The following NFILZ variants were observed in gnomAD, a reference collection of about 807,000 sequenced individuals.
NFILZ encodes NFIL3 like protein.
chr19:8,672,483 CAAAA>C (rs1209019668), intron 3 of NFILZ, among the ~76,000 whole-genome samples: 1 of 150,868 alleles, frequency 6.6e-6, no homozygotes, highest in African/African-American at 2.4e-5. Context: ...TTAGTTCATT[CAAAA>C]AAAATCCATG....
intron 3 of NFILZ, among the ~76,000 whole-genome samples, chr19:8,658,471 A>T (rs1451073854): frequency 1.3e-5 from 2 of 152,110 alleles, no homozygotes; most frequent in African/African-American, 4.8e-5. Context: ...GGATAACAAA[A>T]AACATTGACA....
intron 3 of NFILZ, among the ~76,000 whole-genome samples, chr19:8,664,479 C>T (rs1455902892): frequency 1.4e-5 from 2 of 142,712 alleles, no homozygotes; most frequent in Non-Finnish European, 3.1e-5. Flanking sequence ...CAGGAGGTGC[C>T]GGGGGAGGGG....
intron 3 of NFILZ, among the ~76,000 whole-genome samples, chr19:8,641,829 C>CT (rs3040050): frequency 0.015 from 2,176 of 147,766 alleles, 24 homozygotes; most frequent in Non-Finnish European, 0.022. Flanking sequence ...TAAATGATAG[C>CT]TTTTTTTTTT....
chr19:8,664,421 G>C (rs2043052207), intron 3 of NFILZ, among the ~76,000 whole-genome samples: 1 of 152,104 alleles, frequency 6.6e-6, no homozygotes, highest in Admixed American at 6.6e-5. Context: ...GGGCTTGTGG[G>C]CTGGGCACGG....
At position 8,651,408 on chromosome 19, in the gene NFILZ, C is replaced by T. The variant is rs139372914; in HGVS notation, c.-164+15662C>T. On this transcript the variant is annotated intron_variant, in intron 3 of 5. Coordinates refer to ENST00000691075, the MANE Select transcript of NFILZ (RefSeq NM_001378600.1). ...AACTCCTGACCTCAAGTGATCCACT[C>T]GCTTCAGCCTCCCAAAGTGCTGGGA... Among the ~76,000 whole-genome samples the T allele has an allele frequency of 7.0e-3, 1,066 of 152,264 alleles. 18 individuals carry two copies. Among genetic ancestry groups the T allele is most frequent in the African/African-American group, 0.024 (1,015 of 41,548 alleles).
chr19:8,640,715 T>C (rs1159944520), intron 3 of NFILZ, among the ~76,000 whole-genome samples: 1 of 152,164 alleles, frequency 6.6e-6, no homozygotes, highest in Admixed American at 6.5e-5. Context: ...CAGAATATGT[T>C]GTGGACTCTT....
chr19:8,632,824 GC>G lies in NFILZ; in HGVS notation c.-261+200del, dbSNP rs1485594096. 2.6e-5 allele frequency among the ~76,000 whole-genome samples: 4 copies of G among 151,538 alleles called. No homozygotes were observed. In the East Asian group the frequency reaches 7.7e-4, roughly 29 times the overall value. On this transcript the variant is annotated intron_variant, in intron 2 of 5. Transcript: ENST00000691075. ...TGCAACCTCCGCCTCCCAGGTTCAA[GC>G]AATTCTTCTTCCTCAGCCTCCTGAG...
chr19:8,664,593 A>G (rs1555749578), intron 3 of NFILZ, among the ~76,000 whole-genome samples: 1 of 152,058 alleles, frequency 6.6e-6, no homozygotes, highest in African/African-American at 2.4e-5. Context: ...GGGGGCTTTT[A>G]TGAGGCAGGG....
intron 3 of NFILZ, among the ~76,000 whole-genome samples, chr19:8,661,454 T>A (rs1600150546): frequency 1.3e-5 from 2 of 152,110 alleles, no homozygotes; most frequent in Non-Finnish European, 2.9e-5. Context: ...GTGCCTGGAG[T>A]GCCAGTACCT....
At chr19:8,672,162 T>C (rs375242270) in intron 3 of NFILZ, among the ~76,000 whole-genome samples, 23 of 152,292 alleles carry the variant, frequency 1.5e-4, no homozygotes, top group African/African-American at 4.6e-4. Flanking sequence ...AAAAAATCCA[T>C]GCATTTATTA....
intron 3 of NFILZ, among the ~76,000 whole-genome samples, chr19:8,657,823 T>A (rs1418899174): frequency 6.6e-6 from 1 of 152,140 alleles, no homozygotes; most frequent in Non-Finnish European, 1.5e-5. Context: ...CCCCACCACC[T>A]GTGATCAGCC....
At chr19:8,667,057 ATC>A (rs1555749898) in intron 3 of NFILZ, among the ~76,000 whole-genome samples, 2 of 151,746 alleles carry the variant, frequency 1.3e-5, no homozygotes, top group African/African-American at 2.4e-5. Context: ...GCTGTTGGCC[ATC>A]TCTCTCTACC....
intron 1 of NFILZ, among the ~76,000 whole-genome samples, chr19:8,632,093 T>C (rs529225399): frequency 6.6e-6 from 1 of 152,192 alleles, no homozygotes; most frequent in African/African-American, 2.4e-5. Flanking sequence ...GGTCTCGAAC[T>C]CCTGACCTCA....
Position 8,646,176 on chromosome 19 carries a change from A to C in NFILZ, c.-164+10430A>C, listed in dbSNP as rs78407384. Among the ~76,000 whole-genome samples the C allele has an allele frequency of 8.1e-3, 1,225 of 152,114 alleles. 18 individuals carry two copies. Among genetic ancestry groups the C allele is most frequent in the African/African-American group, 0.028 (1,166 of 41,446 alleles). The stretch of plus-strand genomic sequence containing the variant: ...TTCAGCCTCCCGAGTAGCTGGGATT[A>C]TAGGTGTGTTCCACCACACCCAACT... On this transcript the variant is annotated intron_variant, in intron 3 of 5. Transcript: ENST00000691075.
At chr19:8,663,750 G>GTT (rs1403759520) in intron 3 of NFILZ, among the ~76,000 whole-genome samples, 1 of 136,968 alleles carries the variant, frequency 7.3e-6, no homozygotes. Context: ...GTGTGTGTGT[G>GTT]TGTGTGTGTG....
rs1303993268 is a variant in NFILZ, at chr19:8,663,110, GGTTTT to G, written c.-163-11425_-163-11421del. Among the ~76,000 whole-genome samples the G allele has an allele frequency of 3.3e-5, 5 of 151,714 alleles. 1 individual carries two copies. In the South Asian group the frequency reaches 6.2e-4, roughly 19 times the overall value. On this transcript the variant is annotated intron_variant, in intron 3 of 5. Coordinates refer to ENST00000691075, the MANE Select transcript of NFILZ (RefSeq NM_001378600.1). ...CTACAGGCATGTGTCACCATGCCTG[GGTTTT>G]GTTTTGTTTTGTTTTTTGCTTTTTT...
At chr19:8,652,765 CTT>C (rs558284953) in intron 3 of NFILZ, among the ~76,000 whole-genome samples, 2 of 151,976 alleles carry the variant, frequency 1.3e-5, no homozygotes, top group Non-Finnish European at 2.9e-5. Flanking sequence ...TTCTTTCTTT[CTT>C]TTTTTCCTTT....
intron 3 of NFILZ, among the ~76,000 whole-genome samples, chr19:8,655,522 C>T (rs372519934): frequency 2.0e-5 from 3 of 152,162 alleles, no homozygotes; most frequent in African/African-American, 4.8e-5. Context: ...GCTGGGGGCC[C>T]GGGTGTCACC....
chr19:8,641,488 T>C (rs142698169), intron 3 of NFILZ, among the ~76,000 whole-genome samples: 6 of 152,334 alleles, frequency 3.9e-5, no homozygotes, highest in African/African-American at 1.4e-4. Context: ...CAGATAGTTG[T>C]ATGGTATTGT....
Sources: allele counts gnomAD v4.1 joint callset (sites outside exome capture counted in the v4.1 genomes callset), GRCh38; gene constraint gnomAD v4.1.1; transcripts MANE v1.5; gene names NCBI Gene and HGNC (gene_info 2026-07-23, HGNC 2026-07-21).